MCOLN3: variants seen among roughly 807,000 people sequenced by gnomAD.
The protein encoded by MCOLN3 is mucolipin TRP cation channel 3, also known as mucolipin-3.
A neutral mutation model predicts 69.4 loss-of-function variants in MCOLN3; 62 were observed. The ratio of observed to expected loss-of-function variants is 0.89; its 90% CI spans 0.73 to 1.10. The LOEUF (loss-of-function observed/expected upper bound fraction) is 1.10. MCOLN3 is among the 50% of genes least tolerant of loss of function. MCOLN3 has a pLI of 0.00. For synonymous variants in MCOLN3, 183 were observed against 217.0 expected, an observed-to-expected ratio of 0.84 and a Z score of 1.38; for missense variants, 564 against 656.4, an observed-to-expected ratio of 0.86 and a Z score of 1.54.
chr1:85,034,598 A>T (rs1652720937), intron 3 of MCOLN3, among the ~76,000 whole-genome samples: 1 of 152,226 alleles, frequency 6.6e-6, no homozygotes, highest in South Asian at 2.1e-4. Context: ...TTTATCTTTA[A>T]ACTATCTCCT....
intron 3 of MCOLN3, 29 bp from the exon 4 acceptor site, chr1:85,034,280 G>T: frequency 1.2e-6 from 2 of 1,613,172 alleles, no homozygotes; most frequent in Non-Finnish European, 1.7e-6. Flanking sequence ...ACAGAAAATG[G>T]GAATGCCAGC....
At position 85,021,293 on chromosome 1, in the gene MCOLN3, G is replaced by T; in HGVS notation, c.1321-17C>A. 1.3e-6 allele frequency: 2 copies of T among 1,596,692 alleles called. No homozygotes were observed. The highest frequency in any genetic ancestry group is 1.7e-6 in the Non-Finnish European group (2 of 1,170,002). Reference sequence around the variant, plus strand: ...AGAACGAAACTGGAAAAAGAAAAGAGAAAAGTTCACTTTATTCCATGTTCC... The same window carrying T: ...AGAACGAAACTGGAAAAAGAAAAGATAAAAGTTCACTTTATTCCATGTTCC... On this transcript the variant is annotated splice_polypyrimidine_tract_variant and intron_variant, in intron 11 of 12. Coordinates refer to ENST00000370589, the MANE Select transcript of MCOLN3 (RefSeq NM_018298.11).
rs1183831643 is a variant in MCOLN3 at position 85,048,388 on chromosome 1, G to A, written c.-3+8C>T. ...CCGACGCCCCGGGGCAGCGCCCCGCGGGCTCACCTGGGGGACAGCGGGGAG... is the reference window on the plus strand; with the variant it reads ...CCGACGCCCCGGGGCAGCGCCCCGCAGGCTCACCTGGGGGACAGCGGGGAG... On this transcript the variant is annotated splice_region_variant and intron_variant, in intron 1 of 12. Coordinates refer to ENST00000370589, the MANE Select transcript of MCOLN3 (RefSeq NM_018298.11). The A allele has an allele frequency of 6.6e-6, 1 of 151,840 alleles. No homozygotes were observed. Among genetic ancestry groups the A allele is most frequent in the Non-Finnish European group, 1.5e-5 (1 of 67,934 alleles). 9.4% of individuals were successfully genotyped at this position (151,840 alleles called of 1,614,324 possible).
In MCOLN3 at chr1:85,034,129, A is replaced by G. The variant is rs553386124; in HGVS notation, c.519T>C (p.Asp173=). 2 of 1,614,102 alleles carry G rather than the reference A, an allele frequency of 1.2e-6. No individual in the cohort carries two copies. The highest frequency in any genetic ancestry group is 3.3e-5 in the Admixed American group (2 of 60,004). ...YKRGNIYPGN[D]TFDIDPEIET... The stretch of plus-strand genomic sequence containing the variant: ...CAATTTCTGGATCGATGTCAAAGGT[A>G]TCATTTCCAGGGTAGATGTTTCCTC... The change falls in exon 4 of 13, where the codon GAT becomes GAC. Residue 173 remains aspartate, a synonymous_variant. Coordinates refer to ENST00000370589, the MANE Select transcript of MCOLN3 (RefSeq NM_018298.11).
intron 9 of MCOLN3, chr1:85,023,628 G>A (rs1423769878): frequency 6.6e-6 from 1 of 152,204 alleles, no homozygotes; most frequent in East Asian, 1.9e-4. Flanking sequence ...TAGACTAAAT[G>A]GTGGATATGC....
At chr1:85,032,076 A>G (rs893031595) in intron 6 of MCOLN3, among the ~76,000 whole-genome samples, 15 of 119,322 alleles carry the variant, frequency 1.3e-4, no homozygotes, top group African/African-American at 4.2e-4. Flanking sequence ...ACTCTGTCTC[A>G]AAAAAAGAAG....
intron 6 of MCOLN3, among the ~76,000 whole-genome samples, chr1:85,031,269 CAAAA>C (rs60048551): frequency 1.0e-5 from 1 of 97,556 alleles, no homozygotes. Context: ...GAATCCATCT[CAAAA>C]AAAAAAAAAA....
chr1:85,026,909 A>C (rs1488523159), intron 7 of MCOLN3, among the ~76,000 whole-genome samples: 3 of 149,876 alleles, frequency 2.0e-5, no homozygotes, highest in Non-Finnish European at 3.0e-5. Flanking sequence ...GTATGCCACC[A>C]TACCGGGCTA....
chr1:85,041,319 A>G (rs1653052333), intron 2 of MCOLN3, 142 bp from the exon 3 acceptor site: 1 of 676,978 alleles, frequency 1.5e-6, no homozygotes, highest in South Asian at 2.3e-5. Context: ...CAGCAGGTGG[A>G]TAATAAATTA....
At chr1:85,029,578 A>C (rs1181076947) in intron 6 of MCOLN3, 1 of 160,528 alleles carries the variant, frequency 6.2e-6, no homozygotes, top group Non-Finnish European at 1.4e-5. Context: ...GCAGGACCTC[A>C]GTTAGGGGTA....
At chr1:85,035,845 G>C (rs562419458) in intron 3 of MCOLN3, among the ~76,000 whole-genome samples, 1 of 152,256 alleles carries the variant, frequency 6.6e-6, no homozygotes, top group South Asian at 2.1e-4. Context: ...ACAGCTCTTA[G>C]AACAGTGATA....
At chr1:85,019,946 A>G (rs1651841847) in intron 12 of MCOLN3, among the ~76,000 whole-genome samples, 1 of 152,226 alleles carries the variant, frequency 6.6e-6, no homozygotes, top group Non-Finnish European at 1.5e-5. Context: ...TAGCTTGCCC[A>G]TTTGGCAAGT....
intron 1 of MCOLN3, 28 bp from the exon 2 acceptor site, chr1:85,045,390 A>G: frequency 6.6e-7 from 1 of 1,524,338 alleles, no homozygotes; most frequent in Non-Finnish European, 9.0e-7. Flanking sequence ...CAACAACAAC[A>G]ACCAACATTT....
intron 8 of MCOLN3, 26 bp downstream of exon 8, chr1:85,026,146 C>T (rs1478089834): frequency 6.2e-7 from 1 of 1,613,284 alleles, no homozygotes; most frequent in South Asian, 1.1e-5. Flanking sequence ...ATGTCAGTAG[C>T]ATTCCTAGAA....
intron 3 of MCOLN3, among the ~76,000 whole-genome samples, chr1:85,037,360 G>A (rs1171767461): frequency 4.6e-5 from 7 of 152,106 alleles, no homozygotes; most frequent in Non-Finnish European, 8.8e-5. Flanking sequence ...CAGGGGTCAC[G>A]ACGCACAGTC....
chr1:85,039,033 T>G (rs985575960), intron 3 of MCOLN3, among the ~76,000 whole-genome samples: 2 of 151,964 alleles, frequency 1.3e-5, no homozygotes, highest in Admixed American at 1.3e-4. Flanking sequence ...AAATATTAAC[T>G]CACATTTTTT....
At position 85,041,013 on chromosome 1, in the gene MCOLN3, G is replaced by C. The variant is rs771106317; in HGVS notation, c.393C>G (p.Asn131Lys). ...ATAATGCACACACTTGATTTACCTG[G>C]TTTACTGCGAAGATTAACTGATCAT... ...DVYDQLIFAVNQYLQLYNVSV... is the reference protein window; with the variant it reads ...DVYDQLIFAVKQYLQLYNVSV... The change falls in exon 3 of 13, where the codon AAC (asparagine) becomes AAG (lysine). Residue 131 changes from asparagine to lysine, a missense_variant. Transcript: ENST00000370589. The C allele has an allele frequency of 6.2e-7, 1 of 1,612,718 alleles. No individual in the cohort carries two copies. The highest frequency in any genetic ancestry group is 2.2e-5 in the East Asian group (1 of 44,812).
intron 9 of MCOLN3, 125 bp from the exon 10 acceptor site, chr1:85,022,525 G>C (rs980088798): frequency 6.5e-6 from 4 of 620,012 alleles, no homozygotes; most frequent in Non-Finnish European, 1.1e-5. Context: ...ACAAACAAAA[G>C]TCTCTGCTCT....
Position 85,022,362 on chromosome 1 carries a change from C to A in MCOLN3, c.1134G>T (p.Gly378=). The A allele has an allele frequency of 6.2e-7, 1 of 1,613,358 alleles. No homozygotes were observed. Among genetic ancestry groups the A allele is most frequent in the South Asian group, 1.1e-5 (1 of 91,042 alleles). Residue 378 remains glycine, a synonymous_variant, in exon 10 of 13, where the codon GGG becomes GGT. Coordinates refer to ENST00000370589, the MANE Select transcript of MCOLN3 (RefSeq NM_018298.11). ...TSYDVCSILL[G]TSTMLVWLGV... ...CAAGCCACACGAGCATGGTAGAAGT[C>A]CCAAGAAGTATGCTACAGACATCAT...
Sources: gnomAD v4.1 joint callset for allele counts (sites outside exome capture counted in the v4.1 genomes callset) on GRCh38, gnomAD v4.1.1 for gene constraint, MANE v1.5 for transcripts, NCBI Gene and HGNC (gene_info 2026-07-23, HGNC 2026-07-21) for gene names.